Variants in ZPBP observed in about 807,000 individuals in gnomAD.
ZPBP encodes the protein zona pellucida-binding protein 1.
ZPBP carries 26 observed loss-of-function variants against 44.8 expected under a neutral mutation model. That is an observed-to-expected ratio of 0.58 (90% CI 0.43 to 0.81). ZPBP has a LOEUF of 0.81. Among genes scored for constraint, ZPBP ranks in the 30% least tolerant of loss-of-function variants. The probability of loss-of-function intolerance (pLI) is 0.00; values close to 1 mark genes in which losing one functional copy is unlikely to be tolerated. For synonymous variants in ZPBP, 174 were observed against 153.2 expected, an observed-to-expected ratio of 1.14 and a Z score of -1.00; for missense variants, 409 against 434.0, an observed-to-expected ratio of 0.94 and a Z score of 0.51.
rs1169480763 is a variant in ZPBP at position 49,877,462 on chromosome 7, CAAAA to C, written n.509+23652_509+23655del. On this transcript the variant is annotated intron_variant and non_coding_transcript_variant, in intron 2 of 2. Coordinates refer to the ZPBP transcript ENST00000465922. The stretch of plus-strand genomic sequence containing the variant: ...GGGCAACAAGTAAGAAACTCTGTCT[CAAAA>C]AAAAAAAAAAAAAAAATATATATAT... 6.8e-3 allele frequency among the ~76,000 whole-genome samples: 48 copies of C among 7,050 alleles called. 1 individual carries two copies. The highest frequency in any genetic ancestry group is 0.25 in the Middle Eastern group (1 of 4). 4.6% of individuals were successfully genotyped at this position (7,050 alleles called of 152,430 possible).
At chr7:49,886,851 A>G (rs1342793495) in intron 2 of ZPBP, among the ~76,000 whole-genome samples, 2 of 152,200 alleles carry the variant, frequency 1.3e-5, no homozygotes, top group Non-Finnish European at 2.9e-5. Context: ...CCTTTATTGC[A>G]TAGAAAAATG....
At chr7:50,051,477 T>TG (rs1439903714) in intron 4 of ZPBP, among the ~76,000 whole-genome samples, 6 of 152,296 alleles carry the variant, frequency 3.9e-5, no homozygotes, top group Non-Finnish European at 8.8e-5. Flanking sequence ...CGAGGATACA[T>TG]GCACTGATAC....
At chr7:49,940,788 A>G (rs1794845189) in intron 7 of ZPBP, 3 of 985,374 alleles carry the variant, frequency 3.0e-6, no homozygotes, top group Admixed American at 1.2e-4. Context: ...AGAGCAGACT[A>G]AATTTATGAC....
At chr7:49,926,589 C>T (rs568419303) in intron 1 of ZPBP, among the ~76,000 whole-genome samples, 8 of 152,294 alleles carry the variant, frequency 5.3e-5, no homozygotes, top group African/African-American at 1.4e-4. Flanking sequence ...TCTTTGCCCA[C>T]GGGGTGGGCA....
At chr7:49,942,391 C>G (rs1794925893) in intron 7 of ZPBP, 1 of 161,168 alleles carries the variant, frequency 6.2e-6, no homozygotes, top group African/African-American at 2.4e-5. Context: ...GTACTGCTCA[C>G]TTCCATTCCT....
intron 1 of ZPBP, among the ~76,000 whole-genome samples, chr7:49,906,833 C>G (rs544320369): frequency 6.6e-6 from 1 of 152,066 alleles, no homozygotes; most frequent in Non-Finnish European, 1.5e-5. Flanking sequence ...CATTTTAACA[C>G]TTGATGTTTT....
chr7:49,920,653 T>C (rs1793977815), intron 1 of ZPBP: 1 of 152,196 alleles, frequency 6.6e-6, no homozygotes, highest in Admixed American at 6.5e-5. Flanking sequence ...TTCACAACTA[T>C]TTGCACATAG....
chr7:50,024,997 T>C (rs1370277369), intron 5 of ZPBP, among the ~76,000 whole-genome samples: 3 of 151,882 alleles, frequency 2.0e-5, no homozygotes, highest in Non-Finnish European at 4.4e-5. Flanking sequence ...AAAAAGTCAA[T>C]TGCTTTCCTA....
chr7:49,931,986 T>C (rs1406349646), intron 1 of ZPBP, among the ~76,000 whole-genome samples: 14 of 152,212 alleles, frequency 9.2e-5, no homozygotes, highest in African/African-American at 4.8e-5. Flanking sequence ...TAAATTTACA[T>C]GTGGTATTGG....
At chr7:49,970,895 T>TAAGC (rs995510308) in intron 7 of ZPBP, among the ~76,000 whole-genome samples, 2 of 145,404 alleles carry the variant, frequency 1.4e-5, no homozygotes, top group African/African-American at 5.1e-5. Context: ...AATAAATAAA[T>TAAGC]AAGCCAGGCA....
intron 4 of ZPBP, among the ~76,000 whole-genome samples, chr7:50,032,562 CTTATGTGCCTAAAAGAG>C (rs1329802398): frequency 1.1e-4 from 17 of 152,160 alleles, no homozygotes; most frequent in Admixed American, 1.1e-3. Flanking sequence ...TCAGGATCAG[CTTATGTGCCTAAAAGAG>C]TTAACGTTGC....
chr7:50,084,757 T>C (rs954654655), intron 2 of ZPBP, among the ~76,000 whole-genome samples: 6 of 152,058 alleles, frequency 3.9e-5, no homozygotes, highest in African/African-American at 1.4e-4. Flanking sequence ...GGGAAATTAG[T>C]TACCCAGATA....
At chr7:50,073,998 C>A (rs573826262) in intron 3 of ZPBP, among the ~76,000 whole-genome samples, 1 of 152,070 alleles carries the variant, frequency 6.6e-6, no homozygotes, top group East Asian at 1.9e-4. Flanking sequence ...CAGAAAAACA[C>A]AGAATATTAC....
chr7:50,075,524 TAAGA>T (rs959320499), intron 3 of ZPBP, among the ~76,000 whole-genome samples: 2 of 151,612 alleles, frequency 1.3e-5, no homozygotes, highest in African/African-American at 4.8e-5. Context: ...TTAGCCAGAC[TAAGA>T]AAGAGAGAAG....
At chr7:50,047,297 A>C (rs898592754) in intron 4 of ZPBP, among the ~76,000 whole-genome samples, 1 of 151,446 alleles carries the variant, frequency 6.6e-6, no homozygotes, top group African/African-American at 2.4e-5. Context: ...AACTATAATT[A>C]AAAAAAAAGA....
intron 1 of ZPBP, chr7:49,916,373 G>A (rs1270389731): frequency 6.6e-6 from 1 of 152,162 alleles, no homozygotes; most frequent in Non-Finnish European, 1.5e-5. Context: ...CTCAGATCCT[G>A]CCCTGAGTGT....
intron 1 of ZPBP, among the ~76,000 whole-genome samples, chr7:49,908,767 T>C (rs896689886): frequency 7.9e-5 from 12 of 152,274 alleles, no homozygotes; most frequent in Admixed American, 3.3e-4. Flanking sequence ...CTTTTAGTGA[T>C]TAAAGGAGTG....
intron 7 of ZPBP, chr7:49,940,867 C>T: frequency 9.5e-6 from 8 of 843,148 alleles, no homozygotes; most frequent in Non-Finnish European, 1.1e-5. Context: ...CTGAAAACCA[C>T]AAGGAGACAA....
intron 6 of ZPBP, among the ~76,000 whole-genome samples, chr7:50,006,999 G>A (rs1226214676): frequency 6.6e-6 from 1 of 151,924 alleles, no homozygotes; most frequent in African/African-American, 2.4e-5. Flanking sequence ...ATCAAGTCAT[G>A]AGAGCAGGAT....
Sources: gnomAD v4.1 joint callset for allele counts (sites outside exome capture counted in the v4.1 genomes callset) on GRCh38, gnomAD v4.1.1 for gene constraint, MANE v1.5 for transcripts, NCBI Gene and HGNC (gene_info 2026-07-23, HGNC 2026-07-21) for gene names.